NRXN1: variants seen among roughly 807,000 people sequenced by gnomAD.
NRXN1 encodes the protein neurexin 1.
Under a neutral mutation model 150.9 loss-of-function variants are expected in NRXN1, and 39 were observed. The ratio of observed to expected loss-of-function variants is 0.26; its 90% CI spans 0.20 to 0.34. NRXN1 has a LOEUF of 0.34. Among genes scored for constraint, NRXN1 ranks in the 10% least tolerant of loss-of-function variants. NRXN1 has a pLI of 1.00. For synonymous variants in NRXN1, 924 were observed against 757.0 expected (o/e 1.22, Z -3.62); for missense variants, 1,815 against 1,949.9 (o/e 0.93, Z 1.30).
At chr2:50,128,062 T>C (rs1245590453) in intron 18 of NRXN1, among the ~76,000 whole-genome samples, 1 of 152,112 alleles carries the variant, frequency 6.6e-6, no homozygotes, top group East Asian at 1.9e-4. Context: ...TTAAAACAGC[T>C]GAAAGATTGG....
chr2:50,201,458 G>A (rs758795282), intron 18 of NRXN1, among the ~76,000 whole-genome samples: 22 of 152,062 alleles, frequency 1.4e-4, no homozygotes, highest in Non-Finnish European at 2.8e-4. Context: ...GTCCCTCAAG[G>A]GCAAGGATCC....
At chr2:50,069,855 T>TG (rs1445368653) in intron 19 of NRXN1, among the ~76,000 whole-genome samples, 3 of 18,094 alleles carry the variant, frequency 1.7e-4, no homozygotes, top group African/African-American at 1.0e-3. Context: ...GGGTTTTTTT[T>TG]TTTTTTTTTT....
chr2:50,121,719 ATGGAAGAAAACATCCTAGTATTTTGTTAT>A (rs1359131598), intron 18 of NRXN1, among the ~76,000 whole-genome samples: 22 of 152,206 alleles, frequency 1.4e-4, no homozygotes, highest in Non-Finnish European at 2.8e-4. Flanking sequence ...TTTGATTAGT[ATGGAAGAAAACATCCTAGTATTTTGTTAT>A]TGGAAGAAAA....
intron 17 of NRXN1, among the ~76,000 whole-genome samples, chr2:50,340,386 C>G (rs1287923213): frequency 2.6e-5 from 4 of 152,064 alleles, no homozygotes; most frequent in Non-Finnish European, 5.9e-5. Context: ...GGCAAAAAGA[C>G]CAAATGAAAG....
rs536253963 is a variant in NRXN1 at position 50,056,169 on chromosome 2, T to C, written c.3719-1125A>G. On this transcript the variant is annotated intron_variant, in intron 19 of 22. Transcript: ENST00000401669. ...CAGAGGTGAAAGAAATGTTGAATGG[T>C]AGCACTATCTGCATAAAAAGACTGG... is the stretch of plus-strand genomic sequence containing the variant. Among the ~76,000 whole-genome samples the C allele has an allele frequency of 1.8e-4, 27 of 152,252 alleles. 1 individual carries two copies. The South Asian group carries it at 3.7e-3, about 21-fold the overall frequency.
At chr2:50,819,729 G>T (rs1669452440) in intron 5 of NRXN1, among the ~76,000 whole-genome samples, 1 of 151,756 alleles carries the variant, frequency 6.6e-6, no homozygotes, top group African/African-American at 2.4e-5. Context: ...AAGAATCTTA[G>T]TGATTTTTAG....
intron 2 of NRXN1, among the ~76,000 whole-genome samples, chr2:50,971,411 C>A (rs964926618): frequency 1.3e-5 from 2 of 151,722 alleles, no homozygotes; most frequent in South Asian, 4.2e-4. Flanking sequence ...GGTGAAACCC[C>A]GTCTCTACTA....
At chr2:50,730,623 T>G (rs1697969583) in intron 5 of NRXN1, among the ~76,000 whole-genome samples, 1 of 152,076 alleles carries the variant, frequency 6.6e-6, no homozygotes, top group East Asian at 1.9e-4. Context: ...TATGTCTTCA[T>G]TTTTTCGTCC....
intron 5 of NRXN1, among the ~76,000 whole-genome samples, chr2:50,690,710 G>C (rs559700075): frequency 6.6e-5 from 10 of 152,268 alleles, no homozygotes; most frequent in African/African-American, 2.4e-4. Flanking sequence ...TCATCTTGTA[G>C]CACAGACCTG....
intron 18 of NRXN1, among the ~76,000 whole-genome samples, chr2:50,108,203 T>C (rs185451857): frequency 6.6e-6 from 1 of 152,040 alleles, no homozygotes; most frequent in African/African-American, 2.4e-5. Flanking sequence ...CCTAAATGTA[T>C]AAAATTAGAA....
intron 17 of NRXN1, among the ~76,000 whole-genome samples, chr2:50,275,188 T>C (rs956827328): frequency 9.9e-5 from 15 of 152,186 alleles, no homozygotes; most frequent in Middle Eastern, 3.2e-3. Flanking sequence ...AGAGTGACAG[T>C]TGAAGAAAAT....
chr2:49,951,193 T>C (rs1673887126), intron 21 of NRXN1, among the ~76,000 whole-genome samples: 2 of 151,914 alleles, frequency 1.3e-5, no homozygotes, highest in Admixed American at 1.3e-4. Context: ...AGAAATGCAC[T>C]TTAATTAAGT....
intron 5 of NRXN1, among the ~76,000 whole-genome samples, chr2:50,639,430 A>T (rs1448688166): frequency 6.6e-6 from 1 of 151,802 alleles, no homozygotes; most frequent in Non-Finnish European, 1.5e-5. Context: ...CATGTTGGCC[A>T]GGCTGGTCTC....
intron 17 of NRXN1, among the ~76,000 whole-genome samples, chr2:50,264,934 C>T (rs2152917064): frequency 6.6e-6 from 1 of 151,988 alleles, no homozygotes; most frequent in East Asian, 1.9e-4. Flanking sequence ...AGTCAGGGGT[C>T]CTAGATTTTT....
chr2:50,965,675 G>A (rs1416397657), intron 2 of NRXN1, among the ~76,000 whole-genome samples: 2 of 151,284 alleles, frequency 1.3e-5, no homozygotes, highest in Non-Finnish European at 3.0e-5. Flanking sequence ...GCTTATATTT[G>A]GCTAGGTAAA....
intron 12 of NRXN1, among the ~76,000 whole-genome samples, chr2:50,511,730 A>G (rs898848490): frequency 2.0e-5 from 3 of 152,146 alleles, no homozygotes; most frequent in Non-Finnish European, 4.4e-5. Flanking sequence ...CCGACAGAGG[A>G]AAATGTGTGT....
intron 2 of NRXN1, among the ~76,000 whole-genome samples, chr2:51,005,566 A>C (rs1003881720): frequency 6.6e-6 from 1 of 152,008 alleles, no homozygotes; most frequent in African/African-American, 2.4e-5. Context: ...TCACATATGG[A>C]AGTGAAAAGA....
intron 9 of NRXN1, among the ~76,000 whole-genome samples, chr2:50,550,100 T>G (rs1667218298): frequency 6.6e-6 from 1 of 152,238 alleles, no homozygotes; most frequent in South Asian, 2.1e-4. Context: ...TAATCGTGTA[T>G]TACATTCATA....
intron 8 of NRXN1, among the ~76,000 whole-genome samples, chr2:50,583,623 G>A (rs1349221272): frequency 6.6e-6 from 1 of 152,162 alleles, no homozygotes; most frequent in Non-Finnish European, 1.5e-5. Flanking sequence ...TTTGAAGACT[G>A]AGTAAATAGC....
Sources: allele counts gnomAD v4.1 joint callset (sites outside exome capture counted in the v4.1 genomes callset), GRCh38; gene constraint gnomAD v4.1.1; transcripts MANE v1.5; gene names NCBI Gene and HGNC (gene_info 2026-07-23, HGNC 2026-07-21).